Variants in SIK2 observed in about 807,000 individuals in gnomAD.
SIK2 encodes salt inducible kinase 2.
SIK2 carries 29 observed loss-of-function variants against 103.2 expected under a neutral mutation model. The observed-to-expected ratio is 0.28, with a 90% CI of 0.21 to 0.38. The LOEUF (loss-of-function observed/expected upper bound fraction) is 0.38. SIK2 is among the 10% of genes least tolerant of loss of function. SIK2 has a pLI of 1.00. For missense variants in SIK2, 879 were observed against 1,171.0 expected (o/e 0.75, Z 3.64); for synonymous variants, 412 against 446.1 (o/e 0.92, Z 0.96).
intron 3 of SIK2, among the ~76,000 whole-genome samples, chr11:111,684,367 A>C (rs778400391): frequency 5.3e-5 from 8 of 152,114 alleles, no homozygotes; most frequent in Non-Finnish European, 1.2e-4. Context: ...TAAATCTGTT[A>C]GATTTCTCTG....
At chr11:111,622,678 A>G (rs959746548) in intron 3 of SIK2, among the ~76,000 whole-genome samples, 2 of 150,322 alleles carry the variant, frequency 1.3e-5, no homozygotes, top group African/African-American at 4.8e-5. Flanking sequence ...TGTACTAGGT[A>G]TAGAATTCTA....
chr11:111,717,343 A>AAAG (rs1943674940), intron 9 of SIK2, among the ~76,000 whole-genome samples: 2 of 149,282 alleles, frequency 1.3e-5, no homozygotes, highest in Non-Finnish European at 3.0e-5. Context: ...AAAAAAAAAA[A>AAAG]GCTCAACATG....
intron 3 of SIK2, among the ~76,000 whole-genome samples, chr11:111,682,326 A>G (rs1311758623): frequency 1.3e-5 from 2 of 152,306 alleles, no homozygotes; most frequent in Non-Finnish European, 1.5e-5. Flanking sequence ...TTTCTTCATG[A>G]CAGTGGCATA....
chr11:111,608,796 C>T (rs1298177802), intron 1 of SIK2, among the ~76,000 whole-genome samples: 1 of 152,116 alleles, frequency 6.6e-6, no homozygotes, highest in African/African-American at 2.4e-5. Flanking sequence ...CTAATTATTT[C>T]CTCAGTGTAA....
At chr11:111,687,933 T>C in intron 3 of SIK2, 68 bp from the exon 4 acceptor site, 7 of 1,559,146 alleles carry the variant, frequency 4.5e-6, no homozygotes, top group Non-Finnish European at 6.1e-6. Context: ...GGAAAAAAAT[T>C]TCCTGACTAC....
chr11:111,656,105 A>G (rs1942389178), intron 3 of SIK2, among the ~76,000 whole-genome samples: 1 of 151,476 alleles, frequency 6.6e-6, no homozygotes, highest in Non-Finnish European at 1.5e-5. Flanking sequence ...TGAGACGATC[A>G]CTTGAGCCTT....
chr11:111,640,827 C>T (rs542809142), intron 3 of SIK2, among the ~76,000 whole-genome samples: 2 of 147,372 alleles, frequency 1.4e-5, no homozygotes, highest in South Asian at 2.2e-4. Flanking sequence ...CTCCGCCTCC[C>T]GGGTTCACGC....
intron 4 of SIK2, among the ~76,000 whole-genome samples, chr11:111,690,495 A>C (rs2135898852): frequency 6.6e-6 from 1 of 151,752 alleles, no homozygotes; most frequent in Admixed American, 6.6e-5. Flanking sequence ...CTGAATGTGC[A>C]GCTTTGTTAC....
intron 12 of SIK2, 143 bp from the exon 13 acceptor site, chr11:111,721,687 C>G: frequency 1.7e-6 from 1 of 574,498 alleles, no homozygotes; most frequent in Non-Finnish European, 3.0e-6. Context: ...CCTCAGCCTA[C>G]TGGCTCTGTA....
chr11:111,705,081 A>C lies in SIK2; in HGVS notation c.1043A>C (p.Gln348Pro). 1.9e-6 allele frequency: 3 copies of C among 1,607,384 alleles called. No homozygotes were observed. The highest frequency in any genetic ancestry group is 2.5e-6 in the Non-Finnish European group (3 of 1,178,094). The change falls in exon 8 of 15, where the codon CAG becomes CCG. Residue 348 changes from glutamine (Q) to proline (P), a missense_variant. Around this residue, in one of 7 missense-constraint regions of SIK2, gnomAD observed 99 missense variants for 153.9 expected, o/e 0.64. Coordinates refer to ENST00000304987, the MANE Select transcript of SIK2 (RefSeq NM_015191.3). This position sits in a 1 kb window ranked among gnomAD's most constrained non-coding sequence, Gnocchi z 4.3. ...KSHRSSFPVE[Q>P]RLDGRQRRPS... Reference sequence around the variant, plus strand: ...CATCGGAGCAGTTTCCCAGTGGAGCAGAGACTTGATGGCCGCCAGCGTCGG... The same window carrying C: ...CATCGGAGCAGTTTCCCAGTGGAGCCGAGACTTGATGGCCGCCAGCGTCGG...
chr11:111,620,833 G>C (rs1022516443), intron 3 of SIK2, among the ~76,000 whole-genome samples: 1 of 152,146 alleles, frequency 6.6e-6, no homozygotes, highest in African/African-American at 2.4e-5. Context: ...TTACAGTTTA[G>C]TAAAGTATTC....
chr11:111,602,542 G>T lies in SIK2; in HGVS notation c.-22G>T, dbSNP rs1941596874. On this transcript the variant is annotated 5_prime_UTR_variant, in exon 1 of 15. Transcript: ENST00000304987. This position sits in a 1 kb window ranked among gnomAD's most constrained non-coding sequence, Gnocchi z 4.5. ...CCGCCCGCCCGCGCTCCTGTCCGCC[G>T]TGTCTAGCAGCGGGGCCCAGCATGG... The T allele has an allele frequency of 6.7e-7, 1 of 1,486,954 alleles. No individual in the cohort carries two copies. Among genetic ancestry groups the T allele is most frequent in the Non-Finnish European group, 8.9e-7 (1 of 1,118,688 alleles). The allele number at this position is 1,486,954 out of a possible 1,614,324, so 92.1% of individuals were successfully genotyped here. A position where few individuals can be genotyped will look rare whatever the true frequency, so the allele number is the denominator to read the frequency against.
chr11:111,624,173 G>A (rs900666591), intron 3 of SIK2, among the ~76,000 whole-genome samples: 8 of 152,202 alleles, frequency 5.3e-5, no homozygotes, highest in Non-Finnish European at 1.2e-4. Flanking sequence ...ATTTTAAAGA[G>A]AAAGAACCAT....
chr11:111,726,214 T>G lies in SIK2; in HGVS notation c.*2085T>G, dbSNP rs575493036. On this transcript the variant is annotated 3_prime_UTR_variant, in exon 15 of 15. Coordinates refer to ENST00000304987, the MANE Select transcript of SIK2 (RefSeq NM_015191.3). ...TATTAAAATGCCTGCAGATTGAAAA[T>G]GGGGGCCACTCATTTCAGAACTGCA... 1 of 152,252 alleles carries G rather than the reference T, an allele frequency of 6.6e-6. No individual in the cohort carries two copies. The highest frequency in any genetic ancestry group is 6.5e-5 in the Admixed American group (1 of 15,300). The allele number at this position is 152,252 out of a possible 1,614,324, so 9.4% of individuals were successfully genotyped here. A position where few individuals can be genotyped will look rare whatever the true frequency, so the allele number is the denominator to read the frequency against.
chr11:111,607,920 A>G (rs911466075), intron 1 of SIK2, among the ~76,000 whole-genome samples: 8 of 152,214 alleles, frequency 5.3e-5, no homozygotes, highest in Admixed American at 4.6e-4. Context: ...GTACCAGTCA[A>G]TTAAGAAAAC....
At chr11:111,668,391 A>G (rs1479263918) in intron 3 of SIK2, among the ~76,000 whole-genome samples, 1 of 152,226 alleles carries the variant, frequency 6.6e-6, no homozygotes, top group Non-Finnish European at 1.5e-5. Flanking sequence ...GCTATTTCAA[A>G]TAATGTTGCA....
At position 111,688,767 on chromosome 11, in the gene SIK2, C is replaced by G. The variant is rs1390275805; in HGVS notation, c.478+605C>G. On this transcript the variant is annotated intron_variant, in intron 4 of 14. Transcript: ENST00000304987. The surrounding 1 kb of genome is among the most constrained non-coding windows in gnomAD (Gnocchi z 4.2). Reference sequence around the variant, plus strand: ...TTTACATAGTCAAAACTCTCATTCACTCAATAAATATGTATCAGGTACTGT... The same window carrying G: ...TTTACATAGTCAAAACTCTCATTCAGTCAATAAATATGTATCAGGTACTGT... 6.6e-6 allele frequency among the ~76,000 whole-genome samples: 1 copy of G among 152,044 alleles called. No individual in the cohort carries two copies. The highest frequency in any genetic ancestry group is 1.5e-5 in the Non-Finnish European group (1 of 68,018).
chr11:111,635,968 T>C (rs373629051), intron 3 of SIK2, among the ~76,000 whole-genome samples: 2 of 152,264 alleles, frequency 1.3e-5, no homozygotes, highest in African/African-American at 4.8e-5. Flanking sequence ...TTTGGCAGTC[T>C]GTGTTTCATT....
chr11:111,684,068 T>C (rs1262272799), intron 3 of SIK2, among the ~76,000 whole-genome samples: 2 of 152,186 alleles, frequency 1.3e-5, no homozygotes, highest in Admixed American at 1.3e-4. Flanking sequence ...CTCTGGAATT[T>C]AGACCATTTT....
Sources: gnomAD v4.1 joint callset for allele counts (sites outside exome capture counted in the v4.1 genomes callset) on GRCh38, gnomAD v4.1.1 for gene constraint, gnomAD v4.1.1 regional missense constraint, Gnocchi (gnomAD v3.1) non-coding constraint, MANE v1.5 for transcripts, NCBI Gene and HGNC (gene_info 2026-07-23, HGNC 2026-07-21) for gene names.